USP31: variants seen among roughly 807,000 people sequenced by gnomAD.
USP31 encodes ubiquitin specific peptidase 31, also known as ubiquitin carboxyl-terminal hydrolase 31.
Under a neutral mutation model 119.4 loss-of-function variants are expected in USP31, and 44 were observed. That is an observed-to-expected ratio of 0.37 (90% confidence interval 0.29 to 0.47). The LOEUF (loss-of-function observed/expected upper bound fraction) is 0.47. USP31 is among the 20% of genes least tolerant of loss of function. The probability of loss-of-function intolerance (pLI) is 0.99; values close to 1 mark genes in which losing one functional copy is unlikely to be tolerated. For synonymous variants in USP31, 749 were observed against 705.6 expected (o/e 1.06, Z -0.97); for missense variants, 1,643 against 1,730.2 (o/e 0.95, Z 0.89).
chr16:23,133,745 A>C (rs1903100209), intron 1 of USP31, among the ~76,000 whole-genome samples: 1 of 152,218 alleles, frequency 6.6e-6, no homozygotes, highest in African/African-American at 2.4e-5. Flanking sequence ...AAACGTGGTT[A>C]CCTGCCCCAA....
chr16:23,138,011 A>G (rs1031077602), intron 1 of USP31, among the ~76,000 whole-genome samples: 2 of 152,208 alleles, frequency 1.3e-5, no homozygotes, highest in Non-Finnish European at 2.9e-5. Flanking sequence ...AGCGGACAAG[A>G]AGTACAAAAA....
chr16:23,113,800 A>G (rs759740071), intron 1 of USP31, among the ~76,000 whole-genome samples: 6 of 152,140 alleles, frequency 3.9e-5, no homozygotes, highest in Non-Finnish European at 8.8e-5. Flanking sequence ...GAAAGGAGAT[A>G]TCTGAATAAA....
At position 23,073,732 on chromosome 16, in the gene USP31, G is replaced by A; in HGVS notation, c.2325C>T (p.Ser775=). 1 of 1,612,172 alleles carries A rather than the reference G, an allele frequency of 6.2e-7. No individual in the cohort carries two copies. Among genetic ancestry groups the A allele is most frequent in the Non-Finnish European group, 8.5e-7 (1 of 1,179,434 alleles). Residue 775 remains serine, a synonymous_variant, in exon 14 of 16, where the codon AGC becomes AGT. Transcript: ENST00000219689. ...RTAIPSWSAN[S]SVAGSTSSSL... ...AAGAGTGGACCTCACCTGCCACCGA[G>A]CTGTTGGCTGACCATGACGGGATGG...
At chr16:23,130,189 A>T (rs982807730) in intron 1 of USP31, among the ~76,000 whole-genome samples, 6 of 152,208 alleles carry the variant, frequency 3.9e-5, no homozygotes, top group African/African-American at 1.4e-4. Context: ...CAAGCTAAGA[A>T]ATTTACATGG....
intron 6 of USP31, among the ~76,000 whole-genome samples, chr16:23,095,241 G>A (rs911025303): frequency 2.0e-5 from 3 of 152,162 alleles, no homozygotes; most frequent in Non-Finnish European, 4.4e-5. Flanking sequence ...GGAAGAAAGG[G>A]TATCAGTGAC....
intron 1 of USP31, among the ~76,000 whole-genome samples, chr16:23,118,823 A>C (rs1319075689): frequency 6.6e-6 from 1 of 151,942 alleles, no homozygotes; most frequent in Non-Finnish European, 1.5e-5. Context: ...ATTCACCCTT[A>C]ATGGCTGGGT....
At chr16:23,137,589 T>C (rs779915252) in intron 1 of USP31, among the ~76,000 whole-genome samples, 4 of 150,820 alleles carry the variant, frequency 2.7e-5, no homozygotes, top group Non-Finnish European at 5.9e-5. Flanking sequence ...CTACATAATA[T>C]AACACATGAC....
intron 5 of USP31, among the ~76,000 whole-genome samples, 190 bp downstream of exon 5, chr16:23,105,250 TA>T (rs1902047664): frequency 6.6e-6 from 1 of 152,198 alleles, no homozygotes; most frequent in African/African-American, 2.4e-5. Context: ...TATACACAAT[TA>T]AATGAAACAT....
Position 23,064,653 on chromosome 16 carries a change from T to C in USP31, c.*3393A>G, listed in dbSNP as rs1899994359. 1 of 152,180 alleles carries C rather than the reference T, an allele frequency of 6.6e-6. No homozygotes were observed. The allele number at this position is 152,180 out of a possible 1,614,324, so 9.4% of individuals were successfully genotyped here. On this transcript the variant is annotated 3_prime_UTR_variant, in exon 16 of 16. Coordinates refer to ENST00000219689, the MANE Select transcript of USP31 (RefSeq NM_020718.4). ...AAGAGAACCACAAGCCTTAGCCGAT[T>C]TGACCGGAATCCACGTGATCTCTTT...
At chr16:23,072,675 T>TAC in intron 14 of USP31, 1 of 367,146 alleles carries the variant, frequency 2.7e-6, no homozygotes, top group African/African-American at 2.1e-5. Context: ...ATATTAATAA[T>TAC]ACACACACAC....
chr16:23,114,636 T>C (rs1202575010), intron 1 of USP31, among the ~76,000 whole-genome samples: 1 of 152,162 alleles, frequency 6.6e-6, no homozygotes, highest in African/African-American at 2.4e-5. Flanking sequence ...CACGATCACT[T>C]CAACTCATCC....
intron 6 of USP31, among the ~76,000 whole-genome samples, chr16:23,100,502 G>A (rs1596709927): frequency 6.6e-6 from 1 of 152,298 alleles, no homozygotes; most frequent in African/African-American, 2.4e-5. Context: ...GCCGGGTGTG[G>A]TGGCTCATGC....
rs149268440 is a variant in USP31 at position 23,069,479 on chromosome 16, G to C, written c.2626C>G (p.Arg876Gly). The change falls in exon 16 of 16, where the codon CGC (arginine) becomes GGC (glycine). Residue 876 changes from arginine (R) to glycine (G), a missense_variant. Coordinates refer to ENST00000219689, the MANE Select transcript of USP31 (RefSeq NM_020718.4). ...GAAAATCGGGATGGAGAATTGGAGC[G>C]CATCTGCAGCTTAGCAGACAGGGAC... ...SWSLSAKLQM[R>G]SNSPSRFSGD... 1.9e-6 allele frequency: 3 copies of C among 1,614,188 alleles called. No individual in the cohort carries two copies. Among genetic ancestry groups the C allele is most frequent in the South Asian group, 1.1e-5 (1 of 91,074 alleles).
At chr16:23,082,826 T>A (rs1337284767) in intron 11 of USP31, among the ~76,000 whole-genome samples, 1 of 143,476 alleles carries the variant, frequency 7.0e-6, no homozygotes, top group Non-Finnish European at 1.5e-5. Context: ...ACTTTCTTTC[T>A]CTCTCTTTTT....
chr16:23,079,286 T>C (rs1900714080), intron 13 of USP31: 1 of 152,198 alleles, frequency 6.6e-6, no homozygotes, highest in South Asian at 2.1e-4. Context: ...AGCCCATGGA[T>C]GATGGTATTC....
intron 1 of USP31, among the ~76,000 whole-genome samples, chr16:23,143,015 C>T (rs1057159044): frequency 6.6e-6 from 1 of 152,206 alleles, no homozygotes; most frequent in Non-Finnish European, 1.5e-5. Context: ...GGCTGGGAAA[C>T]TCAGCAAGTG....
At chr16:23,128,535 A>G (rs953966749) in intron 1 of USP31, among the ~76,000 whole-genome samples, 6 of 152,146 alleles carry the variant, frequency 3.9e-5, no homozygotes, top group Admixed American at 3.3e-4. Flanking sequence ...AAGGAGGGGG[A>G]AAAATCAAGC....
At position 23,079,905 on chromosome 16, in the gene USP31, G is replaced by C. The variant is rs371240130; in HGVS notation, c.2176+41C>G. Reference sequence around the variant, plus strand: ...CCTGCCACAAGCAAACCCGTCTGAAGGACTCGCCAGCACAGACACGCAGCC... The same window carrying C: ...CCTGCCACAAGCAAACCCGTCTGAACGACTCGCCAGCACAGACACGCAGCC... On this transcript the variant is annotated intron_variant, in intron 13 of 15. Coordinates refer to ENST00000219689, the MANE Select transcript of USP31 (RefSeq NM_020718.4). 15 of 1,521,408 alleles carry C rather than the reference G, an allele frequency of 9.9e-6. No individual in the cohort carries two copies. In the African/African-American group the frequency reaches 1.3e-4, roughly 13 times the overall value. 94.2% of individuals were successfully genotyped at this position (1,521,408 alleles called of 1,614,324 possible).
In USP31 at chr16:23,066,936, T is replaced by C. The variant is rs1377658332; in HGVS notation, c.*1110A>G. The C allele has an allele frequency of 6.6e-6, 1 of 152,202 alleles. No individual in the cohort carries two copies. The highest frequency in any genetic ancestry group is 1.5e-5 in the Non-Finnish European group (1 of 68,038). 9.4% of individuals were successfully genotyped at this position (152,202 alleles called of 1,614,324 possible). A position where few individuals can be genotyped will look rare whatever the true frequency, so the allele number is the denominator to read the frequency against. On this transcript the variant is annotated 3_prime_UTR_variant, in exon 16 of 16. Transcript: ENST00000219689. Reference sequence around the variant, plus strand: ...AGAGACTGACAGACAGGATCTGAAGTGCATATGTAACACTTGATCACACAA... The same window carrying C: ...AGAGACTGACAGACAGGATCTGAAGCGCATATGTAACACTTGATCACACAA...
Sources: allele counts gnomAD v4.1 joint callset (sites outside exome capture counted in the v4.1 genomes callset), GRCh38; gene constraint gnomAD v4.1.1; transcripts MANE v1.5; gene names NCBI Gene and HGNC (gene_info 2026-07-23, HGNC 2026-07-21).